GPC5: variants seen among roughly 807,000 people sequenced by gnomAD.
The protein encoded by GPC5 is glypican-5.
In GPC5, 47 loss-of-function variants were observed where a neutral mutation model predicts 53.9. The observed-to-expected ratio is 0.87, with a 90% CI of 0.69 to 1.11. The LOEUF is 1.11. GPC5 is among the 50% of genes most tolerant of loss of function. GPC5 has a pLI of 0.00. For synonymous variants in GPC5, 286 were observed against 263.3 expected (o/e 1.09, Z -0.84); for missense variants, 748 against 713.1 (o/e 1.05, Z -0.56).
intron 7 of GPC5, among the ~76,000 whole-genome samples, chr13:92,660,171 A>G (rs1886286348): frequency 6.6e-6 from 1 of 152,172 alleles, no homozygotes. Context: ...GTCTTGGTGT[A>G]TGATTTTACC....
At chr13:91,506,168 G>A (rs1884931745) in intron 2 of GPC5, among the ~76,000 whole-genome samples, 1 of 151,986 alleles carries the variant, frequency 6.6e-6, no homozygotes, top group African/African-American at 2.4e-5. Context: ...TGATTCCCAA[G>A]TTCATTCTCT....
intron 2 of GPC5, among the ~76,000 whole-genome samples, chr13:91,498,881 G>T (rs1486437995): frequency 6.6e-6 from 1 of 152,016 alleles, no homozygotes; most frequent in Non-Finnish European, 1.5e-5. Context: ...TGAGGCAGGA[G>T]AATCACTTTA....
At chr13:91,938,547 C>A (rs543677163) in intron 6 of GPC5, among the ~76,000 whole-genome samples, 1 of 152,214 alleles carries the variant, frequency 6.6e-6, no homozygotes, top group South Asian at 2.1e-4. Context: ...ACTAAGAGCT[C>A]TAGTGATGCT....
chr13:92,344,295 T>A (rs546740168), intron 7 of GPC5, among the ~76,000 whole-genome samples: 1 of 152,154 alleles, frequency 6.6e-6, no homozygotes, highest in East Asian at 1.9e-4. Flanking sequence ...GAACTCACTA[T>A]CATGAGAACG....
At chr13:92,064,708 G>C (rs1189224673) in intron 6 of GPC5, among the ~76,000 whole-genome samples, 8 of 144,594 alleles carry the variant, frequency 5.5e-5, no homozygotes, top group Non-Finnish European at 1.1e-4. Context: ...AGTGAGCCAA[G>C]ATCGCGCCAT....
At chr13:92,064,570 AC>A (rs1052750168) in intron 6 of GPC5, among the ~76,000 whole-genome samples, 4 of 152,132 alleles carry the variant, frequency 2.6e-5, no homozygotes. Flanking sequence ...AGCCTGACCA[AC>A]ATGGTGAAAC....
intron 7 of GPC5, among the ~76,000 whole-genome samples, chr13:92,702,235 C>G (rs1201722463): frequency 1.3e-5 from 2 of 152,118 alleles, no homozygotes; most frequent in Non-Finnish European, 2.9e-5. Flanking sequence ...ACACTCACAT[C>G]CTGAATGATC....
At chr13:91,836,209 G>A (rs1178448578) in intron 5 of GPC5, among the ~76,000 whole-genome samples, 1 of 151,848 alleles carries the variant, frequency 6.6e-6, no homozygotes, top group East Asian at 1.9e-4. Context: ...TTATATAGGA[G>A]GTTGATATAA....
chr13:91,429,198 G>A (rs992451533), intron 1 of GPC5, among the ~76,000 whole-genome samples: 35 of 152,176 alleles, frequency 2.3e-4, no homozygotes, highest in South Asian at 1.2e-3. Flanking sequence ...GGGATTACAG[G>A]TGTGAACAAC....
At chr13:91,433,798 C>T (rs1879685422) in intron 1 of GPC5, among the ~76,000 whole-genome samples, 1 of 152,126 alleles carries the variant, frequency 6.6e-6, no homozygotes, top group South Asian at 2.1e-4. Context: ...GATGGTTGAA[C>T]TAGTTTATAG....
intron 7 of GPC5, among the ~76,000 whole-genome samples, chr13:92,732,359 C>T (rs1182637821): frequency 6.6e-6 from 1 of 151,496 alleles, no homozygotes; most frequent in Non-Finnish European, 1.5e-5. Flanking sequence ...TATTTTTCCT[C>T]CTTTGAACAC....
At chr13:92,052,511 G>T (rs1409786762) in intron 6 of GPC5, among the ~76,000 whole-genome samples, 1 of 152,158 alleles carries the variant, frequency 6.6e-6, no homozygotes, top group Non-Finnish European at 1.5e-5. Flanking sequence ...CTGCTGGTTG[G>T]TCCATTTTAC....
intron 7 of GPC5, among the ~76,000 whole-genome samples, chr13:92,345,522 A>G (rs369302454): frequency 3.3e-5 from 5 of 152,162 alleles, no homozygotes; most frequent in East Asian, 1.9e-4. Flanking sequence ...GCTAGCAACT[A>G]TATAAAAACC....
intron 7 of GPC5, among the ~76,000 whole-genome samples, chr13:92,491,654 A>G (rs1879765957): frequency 6.6e-6 from 1 of 151,902 alleles, no homozygotes. Context: ...TAGATTATCC[A>G]CTTCAGCATT....
intron 7 of GPC5, among the ~76,000 whole-genome samples, chr13:92,713,040 G>A (rs1888194425): frequency 6.6e-6 from 1 of 151,746 alleles, no homozygotes; most frequent in Non-Finnish European, 1.5e-5. Flanking sequence ...TGTTATGGCT[G>A]CCCAAGCAAA....
chr13:92,142,818 A>G (rs1437935414), intron 6 of GPC5, among the ~76,000 whole-genome samples: 1 of 152,182 alleles, frequency 6.6e-6, no homozygotes, highest in Non-Finnish European at 1.5e-5. Context: ...TTGATACGGG[A>G]AAATGTTGGA....
rs1361092891 is a variant in GPC5, at chr13:91,591,569, C to T, written c.326-101618C>T. 2.0e-5 allele frequency among the ~76,000 whole-genome samples: 3 copies of T among 152,134 alleles called. No homozygotes were observed. The East Asian group carries it at 5.8e-4, about 29-fold the overall frequency. On this transcript the variant is annotated intron_variant, in intron 2 of 7. Coordinates refer to ENST00000377067, the MANE Select transcript of GPC5 (RefSeq NM_004466.6). ...TATTCTGTCTCCTTTCTCAGAAATA[C>T]AAATATGTCATAGATTTGGTCTCTT...
intron 1 of GPC5, among the ~76,000 whole-genome samples, chr13:91,431,834 T>C (rs1275632854): frequency 6.6e-6 from 1 of 152,212 alleles, no homozygotes; most frequent in Non-Finnish European, 1.5e-5. Context: ...ATAATTTTGG[T>C]CTGAGCTACA....
rs191934103 is a variant in GPC5, at chr13:91,896,532, G to T, written c.1281-11405G>T. ...GAACTTTCCAGACATGGGGGACAGAGTATGTAAACACTGACGGACCTGGCA... is the reference window on the plus strand; with the variant it reads ...GAACTTTCCAGACATGGGGGACAGATTATGTAAACACTGACGGACCTGGCA... On this transcript the variant is annotated intron_variant, in intron 5 of 7. Transcript: ENST00000377067. Among the ~76,000 whole-genome samples the T allele has an allele frequency of 6.3e-3, 953 of 152,304 alleles. 3 individuals carry two copies. Among genetic ancestry groups the T allele is most frequent in the Non-Finnish European group, 0.011 (733 of 68,026 alleles).
Sources: gnomAD v4.1 joint callset for allele counts (sites outside exome capture counted in the v4.1 genomes callset) on GRCh38, gnomAD v4.1.1 for gene constraint, MANE v1.5 for transcripts, NCBI Gene and HGNC (gene_info 2026-07-23, HGNC 2026-07-21) for gene names.